SDK2: variants seen among roughly 807,000 people sequenced by gnomAD.
The protein encoded by SDK2 is protein sidekick-2.
A neutral mutation model predicts 253.9 loss-of-function variants in SDK2; 105 were observed. That is an observed-to-expected ratio of 0.41 (90% CI 0.35 to 0.49). The LOEUF (loss-of-function observed/expected upper bound fraction) is 0.49. Ranked by LOEUF, SDK2 falls within the 20% of genes least tolerant of loss-of-function variation. The probability of loss-of-function intolerance (pLI) is 0.06; values close to 1 mark genes in which losing one functional copy is unlikely to be tolerated. For synonymous variants in SDK2, 1,249 were observed against 1,234.9 expected, an observed-to-expected ratio of 1.01 and a Z score of -0.24; for missense variants, 2,608 against 3,003.0, an observed-to-expected ratio of 0.87 and a Z score of 3.07.
chr17:73,552,898 T>C (rs1774239599), intron 1 of SDK2, among the ~76,000 whole-genome samples: 1 of 152,234 alleles, frequency 6.6e-6, no homozygotes, highest in Non-Finnish European at 1.5e-5. Flanking sequence ...CCTGAGCCTC[T>C]GGCTGGCGCT....
chr17:73,348,540 C>T, intron 44 of SDK2, 59 bp downstream of exon 44: 1 of 1,583,844 alleles, frequency 6.3e-7, no homozygotes, highest in Middle Eastern at 1.7e-4. Context: ...GTTCACTGCC[C>T]CACTCTGGGA....
Position 73,438,055 on chromosome 17 carries a change from G to T in SDK2, c.825C>A (p.Thr275=), listed in dbSNP as rs765812230. ...ACTCGTAGTAGCCGGCGTCACTGCCGGTGGGGTTGGGGATGGTGAGCCGGC... is the reference window on the plus strand; with the variant it reads ...ACTCGTAGTAGCCGGCGTCACTGCCTGTGGGGTTGGGGATGGTGAGCCGGC... ...HNRRLTIPNP[T]GSDAGYYECE... Residue 275 remains threonine (T), a synonymous_variant, in exon 7 of 45, where the codon ACC becomes ACA. Transcript: ENST00000392650. The T allele has an allele frequency of 6.4e-7, 1 of 1,551,574 alleles. No individual in the cohort carries two copies. The highest frequency in any genetic ancestry group is 8.7e-7 in the Non-Finnish European group (1 of 1,147,022).
intron 1 of SDK2, among the ~76,000 whole-genome samples, chr17:73,583,022 A>G (rs375029762): frequency 1.3e-4 from 19 of 151,402 alleles, no homozygotes; most frequent in African/African-American, 4.6e-4. Flanking sequence ...CAGGACACTC[A>G]CCCCCTGCCT....
rs899353198 is a variant in SDK2 at position 73,391,122 on chromosome 17, G to A, written c.3997+318C>T. Among the ~76,000 whole-genome samples the A allele has an allele frequency of 5.9e-5, 9 of 152,334 alleles. 1 individual carries two copies. The highest frequency in any genetic ancestry group is 7.2e-5 in the African/African-American group (3 of 41,578). On this transcript the variant is annotated intron_variant, in intron 28 of 44. Coordinates refer to ENST00000392650, the MANE Select transcript of SDK2 (RefSeq NM_001144952.2). ...TTCCAGCTGTGCTGAGCCTGCCAGCGTGCCCTCACTTGGCCATGCTAAGGA... is the reference window on the plus strand; with the variant it reads ...TTCCAGCTGTGCTGAGCCTGCCAGCATGCCCTCACTTGGCCATGCTAAGGA...
chr17:73,622,479 G>C (rs2143202663), intron 1 of SDK2, among the ~76,000 whole-genome samples: 1 of 152,316 alleles, frequency 6.6e-6, no homozygotes, highest in South Asian at 2.1e-4. Flanking sequence ...TCTTGGCTCA[G>C]GGAGGAAAGT....
In SDK2 at chr17:73,481,322, G is replaced by A. The variant is rs1342683874; in HGVS notation, c.225-9104C>T. Among the ~76,000 whole-genome samples the A allele has an allele frequency of 6.6e-6, 1 of 152,152 alleles. No individual in the cohort carries two copies. Among genetic ancestry groups the A allele is most frequent in the Non-Finnish European group, 1.5e-5 (1 of 68,022 alleles). On this transcript the variant is annotated intron_variant, in intron 2 of 44. Transcript: ENST00000392650. This position sits in a 1 kb window ranked among gnomAD's most constrained non-coding sequence, Gnocchi z 4.5. The stretch of plus-strand genomic sequence containing the variant: ...TTCTAGGGAACCTGAGGGTGGAGAG[G>A]GGGTACCCGCAGTGGACAGAACAGG...
At chr17:73,524,203 A>T (rs771802453) in intron 1 of SDK2, among the ~76,000 whole-genome samples, 6 of 152,126 alleles carry the variant, frequency 3.9e-5, no homozygotes, top group African/African-American at 9.7e-5. Flanking sequence ...GACTGACGAC[A>T]TTCTGTGTAG....
chr17:73,439,568 T>A (rs554640447), intron 6 of SDK2, among the ~76,000 whole-genome samples: 1 of 152,038 alleles, frequency 6.6e-6, no homozygotes, highest in South Asian at 2.1e-4. Flanking sequence ...AAAAAAATGC[T>A]GCTACAGGAC....
At chr17:73,342,209 A>C (rs1599465361) in intron 44 of SDK2, among the ~76,000 whole-genome samples, 3 of 141,062 alleles carry the variant, frequency 2.1e-5, no homozygotes, top group Admixed American at 7.2e-5. Flanking sequence ...TCTCCTTACC[A>C]CCCCTGCAGC....
chr17:73,507,769 G>A (rs1177784786), intron 1 of SDK2, among the ~76,000 whole-genome samples, 172 bp from the exon 2 acceptor site: 1 of 152,182 alleles, frequency 6.6e-6, no homozygotes, highest in Non-Finnish European at 1.5e-5. Flanking sequence ...TCCAAGGCTT[G>A]GTCTTCAGCG....
At position 73,435,991 on chromosome 17, in the gene SDK2, C is replaced by T. The variant is rs577379557; in HGVS notation, c.1001-347G>A. Among the ~76,000 whole-genome samples the T allele has an allele frequency of 9.2e-5, 14 of 152,058 alleles. No individual in the cohort carries two copies. Among genetic ancestry groups the T allele is most frequent in the Non-Finnish European group, 1.8e-4 (12 of 68,010 alleles). On this transcript the variant is annotated intron_variant, in intron 8 of 44. Transcript: ENST00000392650. The surrounding 1 kb of genome is among the most constrained non-coding windows in gnomAD (Gnocchi z 5.7). ...GTGGTCTAGAACTCTTGGTTTCAAG[C>T]GTTCCTCCCACCTCAGCCTCCCAAA...
At chr17:73,630,811 C>A (rs144769609) in intron 1 of SDK2, among the ~76,000 whole-genome samples, 289 of 152,228 alleles carry the variant, frequency 1.9e-3, no homozygotes, top group African/African-American at 6.7e-3. Flanking sequence ...GCACCACTGT[C>A]CACCCCGCTT....
rs1200736853 is a variant in SDK2, at chr17:73,570,335, C to T, written c.65-62738G>A. Among the ~76,000 whole-genome samples, 5 of 152,208 alleles carry T rather than the reference C, an allele frequency of 3.3e-5. No homozygotes were observed. Among genetic ancestry groups the T allele is most frequent in the Admixed American group, 6.5e-5 (1 of 15,288 alleles). On this transcript the variant is annotated intron_variant, in intron 1 of 44. Transcript: ENST00000392650. The surrounding 1 kb of genome is among the most constrained non-coding windows in gnomAD (Gnocchi z 4.2). The stretch of plus-strand genomic sequence containing the variant: ...ACACAACCCATAGGTTCTGTGAGCT[C>T]CTGGCTCTGTTTTCTCAAATCGCAG...
chr17:73,582,009 G>A (rs1599698844), intron 1 of SDK2, among the ~76,000 whole-genome samples: 1 of 152,364 alleles, frequency 6.6e-6, no homozygotes, highest in South Asian at 2.1e-4. Flanking sequence ...ACTTGGGACT[G>A]GGATGGGATA....
At chr17:73,512,550 T>TACACACACACAC (rs144659441) in intron 1 of SDK2, among the ~76,000 whole-genome samples, 1 of 148,880 alleles carries the variant, frequency 6.7e-6, no homozygotes, top group Admixed American at 6.7e-5. Flanking sequence ...CACACACACA[T>TACACACACACAC]ACACACACAC....
intron 18 of SDK2, among the ~76,000 whole-genome samples, chr17:73,409,586 C>T (rs949124370): frequency 6.6e-6 from 1 of 151,640 alleles, no homozygotes; most frequent in Non-Finnish European, 1.5e-5. Flanking sequence ...GCTGAGATTG[C>T]GCCATTGCAT....
intron 28 of SDK2, among the ~76,000 whole-genome samples, chr17:73,391,113 C>A (rs2062924683): frequency 6.6e-6 from 1 of 152,228 alleles, no homozygotes; most frequent in Non-Finnish European, 1.5e-5. Flanking sequence ...CTGTGCTGAG[C>A]CTGCCAGCGT....
intron 3 of SDK2, among the ~76,000 whole-genome samples, chr17:73,463,103 C>A (rs957014587): frequency 2.6e-5 from 4 of 152,144 alleles, no homozygotes; most frequent in African/African-American, 9.7e-5. Flanking sequence ...GCCCCACGAT[C>A]CCCTGGGAAA....
intron 1 of SDK2, among the ~76,000 whole-genome samples, chr17:73,599,830 C>A (rs1374856917): frequency 6.6e-6 from 1 of 152,210 alleles, no homozygotes. Context: ...AGCCAGTGGT[C>A]TCTGACACAG....
Sources: allele counts gnomAD v4.1 joint callset (sites outside exome capture counted in the v4.1 genomes callset), GRCh38; gene constraint gnomAD v4.1.1; non-coding constraint Gnocchi (gnomAD v3.1); transcripts MANE v1.5; gene names NCBI Gene and HGNC (gene_info 2026-07-23, HGNC 2026-07-21).